Variants in AGBL4 observed in about 807,000 individuals in gnomAD.
The protein encoded by AGBL4 is AGBL carboxypeptidase 4.
In AGBL4, 58 loss-of-function variants were observed where a neutral mutation model predicts 66.4. That is an observed-to-expected ratio of 0.87 (90% CI 0.71 to 1.09). The LOEUF (loss-of-function observed/expected upper bound fraction) is 1.09, where lower values mean the gene tolerates loss of function less well. Ranked by LOEUF, AGBL4 falls within the 50% of genes least tolerant of loss-of-function variation. The pLI, the probability that AGBL4 is intolerant of heterozygous loss-of-function variation, is 0.00. For synonymous variants in AGBL4, 234 were observed against 222.9 expected, an observed-to-expected ratio of 1.05 and a Z score of -0.44; for missense variants, 579 against 631.0, an observed-to-expected ratio of 0.92 and a Z score of 0.88.
chr1:48,978,564 T>C (rs527757831), intron 5 of AGBL4, among the ~76,000 whole-genome samples: 1 of 152,082 alleles, frequency 6.6e-6, no homozygotes, highest in Non-Finnish European at 1.5e-5. Context: ...CTCTCTAAGC[T>C]CCTAGGTCCT....
intron 9 of AGBL4, among the ~76,000 whole-genome samples, chr1:48,603,211 C>T (rs1645100843): frequency 6.6e-6 from 1 of 152,202 alleles, no homozygotes; most frequent in Non-Finnish European, 1.5e-5. Context: ...GTGGCTCATG[C>T]CTGTAATCCC....
intron 1 of AGBL4, among the ~76,000 whole-genome samples, chr1:49,870,267 A>T (rs994588932): frequency 1.3e-5 from 2 of 152,166 alleles, no homozygotes; most frequent in African/African-American, 4.8e-5. Context: ...ACTGGGATTA[A>T]TGAGAATATA....
At chr1:49,502,444 T>C (rs757774314) in intron 3 of AGBL4, among the ~76,000 whole-genome samples, 4 of 152,092 alleles carry the variant, frequency 2.6e-5, no homozygotes, top group Non-Finnish European at 5.9e-5. Context: ...TAAAGATATC[T>C]GAAAATGTGG....
At chr1:48,626,826 A>G (rs1050253153) in intron 9 of AGBL4, among the ~76,000 whole-genome samples, 1 of 152,216 alleles carries the variant, frequency 6.6e-6, no homozygotes, top group African/African-American at 2.4e-5. Flanking sequence ...CCCACAGTCC[A>G]GTTCCCAGAG....
intron 3 of AGBL4, among the ~76,000 whole-genome samples, chr1:49,658,468 G>C (rs1052921591): frequency 2.2e-4 from 33 of 152,164 alleles, no homozygotes; most frequent in Non-Finnish European, 4.4e-4. Flanking sequence ...CAGGGATCTA[G>C]AACTAGAAAT....
intron 3 of AGBL4, among the ~76,000 whole-genome samples, chr1:49,331,123 G>A (rs969108656): frequency 2.0e-5 from 3 of 151,838 alleles, no homozygotes; most frequent in South Asian, 2.1e-4. Flanking sequence ...AGAGCTGTGT[G>A]GAGTCTCGGC....
At chr1:49,439,566 G>T (rs1484077099) in intron 3 of AGBL4, among the ~76,000 whole-genome samples, 1 of 152,152 alleles carries the variant, frequency 6.6e-6, no homozygotes, top group Non-Finnish European at 1.5e-5. Flanking sequence ...ACCGATCCTG[G>T]GTGTGTCTGT....
At chr1:49,754,258 T>C (rs1051191081) in intron 2 of AGBL4, among the ~76,000 whole-genome samples, 2 of 149,924 alleles carry the variant, frequency 1.3e-5, no homozygotes, top group Admixed American at 6.6e-5. Context: ...GGTTTTTGCA[T>C]GGGTGTTCTT....
intron 11 of AGBL4, among the ~76,000 whole-genome samples, chr1:48,550,122 T>A (rs945809255): frequency 6.6e-6 from 1 of 152,150 alleles, no homozygotes; most frequent in Non-Finnish European, 1.5e-5. Context: ...GAGTGTCCAA[T>A]CCATCACAGA....
intron 5 of AGBL4, among the ~76,000 whole-genome samples, chr1:48,905,309 A>G (rs1188743082): frequency 6.6e-6 from 1 of 152,220 alleles, no homozygotes; most frequent in African/African-American, 2.4e-5. Context: ...TTTTACATTT[A>G]CCACTTATGG....
intron 4 of AGBL4, among the ~76,000 whole-genome samples, chr1:49,198,251 G>A (rs1354426065): frequency 6.6e-6 from 1 of 152,028 alleles, no homozygotes; most frequent in Non-Finnish European, 1.5e-5. Context: ...CTCTTTCCCA[G>A]TGTCTGAAGT....
intron 4 of AGBL4, among the ~76,000 whole-genome samples, chr1:49,218,574 G>C (rs1211675505): frequency 6.6e-6 from 1 of 152,094 alleles, no homozygotes; most frequent in East Asian, 1.9e-4. Flanking sequence ...ATTTTTGCTA[G>C]TTAAGTAGTC....
intron 4 of AGBL4, among the ~76,000 whole-genome samples, chr1:49,197,668 T>C (rs1479124826): frequency 6.6e-6 from 1 of 152,124 alleles, no homozygotes; most frequent in Non-Finnish European, 1.5e-5. Context: ...AAGGGAGCTT[T>C]TCGGGATATT....
At chr1:48,734,503 C>A (rs1187984889) in intron 6 of AGBL4, among the ~76,000 whole-genome samples, 1 of 152,152 alleles carries the variant, frequency 6.6e-6, no homozygotes, top group African/African-American at 2.4e-5. Context: ...TTGACTCCAG[C>A]AAATCCAAGC....
intron 6 of AGBL4, among the ~76,000 whole-genome samples, chr1:48,718,733 A>G (rs1241932922): frequency 2.0e-5 from 3 of 152,140 alleles, no homozygotes; most frequent in Non-Finnish European, 2.9e-5. Context: ...CCACTTGTGG[A>G]GGTTGTGGAG....
intron 5 of AGBL4, among the ~76,000 whole-genome samples, chr1:49,025,013 G>A (rs1663543604): frequency 6.6e-6 from 1 of 152,172 alleles, no homozygotes; most frequent in African/African-American, 2.4e-5. Flanking sequence ...GCTAATGTAT[G>A]AGGAAAAGAG....
intron 3 of AGBL4, among the ~76,000 whole-genome samples, chr1:49,641,934 CA>C (rs1392113043): frequency 2.0e-5 from 3 of 151,890 alleles, no homozygotes; most frequent in Non-Finnish European, 4.4e-5. Flanking sequence ...ATGTTGAACC[CA>C]AAACTCTTTA....
intron 3 of AGBL4, among the ~76,000 whole-genome samples, chr1:49,562,386 G>A (rs1349785018): frequency 1.3e-5 from 2 of 152,120 alleles, no homozygotes; most frequent in South Asian, 4.1e-4. Flanking sequence ...CCTTGCCCAT[G>A]CCTATGTCCT....
chr1:49,718,260 A>C (rs1648317852), intron 2 of AGBL4, among the ~76,000 whole-genome samples: 1 of 151,994 alleles, frequency 6.6e-6, no homozygotes, highest in Non-Finnish European at 1.5e-5. Flanking sequence ...TTACTGCTTA[A>C]AAGAGTGTAG....
Sources: gnomAD v4.1 joint callset for allele counts (sites outside exome capture counted in the v4.1 genomes callset) on GRCh38, gnomAD v4.1.1 for gene constraint, MANE v1.5 for transcripts, NCBI Gene and HGNC (gene_info 2026-07-23, HGNC 2026-07-21) for gene names.